The following PDLIM5 variants were observed in gnomAD, a reference collection of about 807,000 sequenced individuals.
The protein encoded by PDLIM5 is PDZ and LIM domain protein 5.
In PDLIM5, 34 loss-of-function variants were observed where a neutral mutation model predicts 64.2. The observed-to-expected ratio is 0.53, with a 90% confidence interval of 0.40 to 0.71. The LOEUF (loss-of-function observed/expected upper bound fraction) is 0.71. PDLIM5 is among the 30% of genes least tolerant of loss of function. The probability of loss-of-function intolerance (pLI) is 0.00; values close to 1 mark genes in which losing one functional copy is unlikely to be tolerated. For missense variants in PDLIM5, 683 were observed against 733.6 expected (o/e 0.93, Z 0.80); for synonymous variants, 253 against 269.1 (o/e 0.94, Z 0.59).
intron 7 of PDLIM5, among the ~76,000 whole-genome samples, chr4:94,601,850 T>C (rs1737527578): frequency 6.6e-6 from 1 of 152,222 alleles, no homozygotes; most frequent in Admixed American, 6.5e-5. Flanking sequence ...ACCTGAGGTT[T>C]AGTTGATTTA....
chr4:94,527,046 CTTTTTTTTTTTTTT>C (rs57625095), intron 3 of PDLIM5, among the ~76,000 whole-genome samples: 9 of 57,814 alleles, frequency 1.6e-4, no homozygotes, highest in African/African-American at 2.9e-4. Context: ...GAACAGCATT[CTTTTTTTTTTTTTT>C]TTTTTTTTTT....
intron 7 of PDLIM5, among the ~76,000 whole-genome samples, chr4:94,616,957 G>A (rs539821299): frequency 6.6e-6 from 1 of 152,192 alleles, no homozygotes; most frequent in African/African-American, 2.4e-5. Flanking sequence ...AGCAAGATTA[G>A]CAAAGGAAAA....
intron 2 of PDLIM5, among the ~76,000 whole-genome samples, chr4:94,462,459 T>G (rs1303779797): frequency 7.2e-5 from 11 of 152,162 alleles, no homozygotes; most frequent in Non-Finnish European, 1.6e-4. Flanking sequence ...TGTTTGGATT[T>G]GTCATAATTT....
chr4:94,666,078 A>G lies in PDLIM5; in HGVS notation c.*2011A>G. On this transcript the variant is annotated 3_prime_UTR_variant, in exon 13 of 13. Transcript: ENST00000317968. ...GTTATAATTTAAATTTGTTTGGGGC[A>G]AGGTGATTTTATAGTCGAGACAGAG... 6.7e-7 allele frequency: 1 copy of G among 1,495,094 alleles called. No individual in the cohort carries two copies. The highest frequency in any genetic ancestry group is 1.2e-5 in the South Asian group (1 of 82,592). The allele number at this position is 1,495,094 out of a possible 1,614,324, so 92.6% of individuals were successfully genotyped here.
intron 8 of PDLIM5, among the ~76,000 whole-genome samples, chr4:94,631,256 G>A (rs141660536): frequency 3.3e-5 from 5 of 152,090 alleles, no homozygotes; most frequent in South Asian, 2.1e-4. Context: ...TTCTCAAAAC[G>A]TGAAGAATAC....
At chr4:94,658,867 A>C (rs571477218) in intron 11 of PDLIM5, among the ~76,000 whole-genome samples, 1 of 152,062 alleles carries the variant, frequency 6.6e-6, no homozygotes, top group African/African-American at 2.4e-5. Context: ...ATTCCACTTA[A>C]TTTTTCTGAA....
chr4:94,569,714 T>C (rs1317418774), intron 3 of PDLIM5, among the ~76,000 whole-genome samples: 1 of 152,186 alleles, frequency 6.6e-6, no homozygotes, highest in East Asian at 1.9e-4. Context: ...AATATAGTTA[T>C]ATGGATATGC....
At chr4:94,560,926 A>G (rs1277068414) in intron 3 of PDLIM5, among the ~76,000 whole-genome samples, 1 of 152,016 alleles carries the variant, frequency 6.6e-6, no homozygotes, top group African/African-American at 2.4e-5. Context: ...CAGGGTTTAC[A>G]TCGTGTTAGC....
At chr4:94,615,144 A>G (rs150476474) in intron 7 of PDLIM5, among the ~76,000 whole-genome samples, 87 of 152,276 alleles carry the variant, frequency 5.7e-4, no homozygotes, top group African/African-American at 1.8e-3. Context: ...TAGTATTTTT[A>G]TACCATTTTA....
intron 10 of PDLIM5, among the ~76,000 whole-genome samples, chr4:94,655,775 T>A (rs534716331): frequency 6.6e-6 from 1 of 152,314 alleles, no homozygotes; most frequent in East Asian, 1.9e-4. Flanking sequence ...TTCTGGGAAA[T>A]GGAAATCTCA....
rs534152946 is a variant in PDLIM5 at position 94,665,045 on chromosome 4, T to C, written c.*978T>C. On this transcript the variant is annotated 3_prime_UTR_variant, in exon 13 of 13. Transcript: ENST00000317968. ...ATATAGCTTATAAGTCTCAAATTTT[T>C]GCCTTTTACTAAAATGTGATTGTTT... 12 of 981,172 alleles carry C rather than the reference T, an allele frequency of 1.2e-5. No individual in the cohort carries two copies. In the African/African-American group the frequency reaches 2.1e-4, roughly 17 times the overall value. 60.8% of individuals were successfully genotyped at this position (981,172 alleles called of 1,614,324 possible). A position where few individuals can be genotyped will look rare whatever the true frequency, so the allele number is the denominator to read the frequency against.
intron 3 of PDLIM5, among the ~76,000 whole-genome samples, chr4:94,529,016 GAAGT>G (rs1018707949): frequency 4.6e-5 from 7 of 152,252 alleles, no homozygotes; most frequent in African/African-American, 1.4e-4. Flanking sequence ...AGACTGGTTA[GAAGT>G]AAGGTCAGAG....
intron 3 of PDLIM5, among the ~76,000 whole-genome samples, chr4:94,525,551 C>T (rs985609528): frequency 6.6e-6 from 1 of 152,182 alleles, no homozygotes; most frequent in Non-Finnish European, 1.5e-5. Flanking sequence ...TTAGGCAGTG[C>T]TTCTCTGCTT....
chr4:94,544,829 G>C (rs1732165718), intron 3 of PDLIM5, among the ~76,000 whole-genome samples: 1 of 152,164 alleles, frequency 6.6e-6, no homozygotes, highest in Non-Finnish European at 1.5e-5. Context: ...CTAATATCTT[G>C]TCAGCTTTTG....
rs576906222 is a variant in PDLIM5 at position 94,585,860 on chromosome 4, C to T, written c.883+123C>T. Reference sequence around the variant, plus strand: ...CAGTTTGCTTTTAAATTATGCTGTGCATAACATGGGTAATATAAATAAGAC... The same window carrying T: ...CAGTTTGCTTTTAAATTATGCTGTGTATAACATGGGTAATATAAATAAGAC... On this transcript the variant is annotated intron_variant, in intron 6 of 12. Coordinates refer to ENST00000317968, the MANE Select transcript of PDLIM5 (RefSeq NM_006457.5). 269 of 696,084 alleles carry T rather than the reference C, an allele frequency of 3.9e-4. 3 individuals are homozygous for T. Among genetic ancestry groups the T allele is most frequent in the South Asian group, 3.6e-3 (191 of 52,704 alleles). The allele number at this position is 696,084 out of a possible 1,614,324, so 43.1% of individuals were successfully genotyped here.
intron 2 of PDLIM5, among the ~76,000 whole-genome samples, chr4:94,465,995 T>C (rs1724331316): frequency 6.6e-6 from 1 of 152,008 alleles, no homozygotes; most frequent in Admixed American, 6.6e-5. Context: ...AGGGTCTTGC[T>C]CTGTGGCATG....
intron 2 of PDLIM5, among the ~76,000 whole-genome samples, chr4:94,478,911 T>TTTGTTTTG (rs1275437478): frequency 4.1e-5 from 6 of 145,394 alleles, no homozygotes; most frequent in African/African-American, 1.3e-4. Flanking sequence ...TTTTTTTTTT[T>TTTGTTTTG]TTTTTTAAGA....
At chr4:94,473,333 C>T (rs751320080) in intron 2 of PDLIM5, among the ~76,000 whole-genome samples, 9 of 152,204 alleles carry the variant, frequency 5.9e-5, no homozygotes, top group Non-Finnish European at 1.3e-4. Flanking sequence ...ACAATCTTGG[C>T]TCACTGCAAC....
At chr4:94,602,778 C>T (rs986445736) in intron 7 of PDLIM5, among the ~76,000 whole-genome samples, 1 of 152,048 alleles carries the variant, frequency 6.6e-6, no homozygotes, top group Admixed American at 6.5e-5. Flanking sequence ...TTTTTGTTCT[C>T]CTCATTCCAC....
Sources: allele counts gnomAD v4.1 joint callset (sites outside exome capture counted in the v4.1 genomes callset), GRCh38; gene constraint gnomAD v4.1.1; transcripts MANE v1.5; gene names NCBI Gene and HGNC (gene_info 2026-07-23, HGNC 2026-07-21).